CDIN1: variants seen among roughly 807,000 people sequenced by gnomAD.
CDIN1 encodes CDAN1-interacting nuclease 1.
In CDIN1, 33 loss-of-function variants were observed where a neutral mutation model predicts 45.3. The observed-to-expected ratio is 0.73, with a 90% CI of 0.55 to 0.97. CDIN1 has a LOEUF of 0.97. Ranked by LOEUF, CDIN1 falls within the 50% of genes least tolerant of loss-of-function variation. The probability of loss-of-function intolerance (pLI) is 0.00; values close to 1 mark genes in which losing one functional copy is unlikely to be tolerated. For missense variants in CDIN1, 303 were observed against 339.4 expected, an observed-to-expected ratio of 0.89 and a Z score of 0.84; for synonymous variants, 118 against 124.4, an observed-to-expected ratio of 0.95 and a Z score of 0.34.
chr15:36,659,431 C>T (rs926453846), intron 5 of CDIN1, among the ~76,000 whole-genome samples: 1 of 152,006 alleles, frequency 6.6e-6, no homozygotes, highest in Non-Finnish European at 1.5e-5. Context: ...AGGACATGAG[C>T]ATATTTAGAA....
chr15:36,652,412 C>A (rs2040608185), intron 3 of CDIN1, among the ~76,000 whole-genome samples: 1 of 152,032 alleles, frequency 6.6e-6, no homozygotes, highest in South Asian at 2.1e-4. Flanking sequence ...AATCAGAAAC[C>A]ATAGTAAATA....
intron 7 of CDIN1, among the ~76,000 whole-genome samples, chr15:36,695,977 A>C (rs1201291665): frequency 6.6e-6 from 1 of 152,184 alleles, no homozygotes; most frequent in African/African-American, 2.4e-5. Flanking sequence ...CAATTATTCC[A>C]TAATTTTAAT....
chr15:36,774,163 T>TGCGCGCGCGC (rs1555407088), intron 10 of CDIN1, among the ~76,000 whole-genome samples: 8 of 143,152 alleles, frequency 5.6e-5, no homozygotes, highest in East Asian at 2.1e-4. Flanking sequence ...TGTGTGTGTG[T>TGCGCGCGCGC]GCGCGCGCGC....
At chr15:36,780,665 A>G (rs1410809920) in intron 10 of CDIN1, among the ~76,000 whole-genome samples, 1 of 152,216 alleles carries the variant, frequency 6.6e-6, no homozygotes, top group Non-Finnish European at 1.5e-5. Context: ...ACTTGTCATG[A>G]GATGGATTCT....
rs182614457 is a variant in CDIN1 at position 36,763,547 on chromosome 15, T to A, written c.717-44777T>A. Among the ~76,000 whole-genome samples, 50 of 152,108 alleles carry A rather than the reference T, an allele frequency of 3.3e-4. 1 individual carries two copies. The East Asian group carries it at 9.3e-3, about 28-fold the overall frequency. On this transcript the variant is annotated intron_variant, in intron 10 of 10. Transcript: ENST00000566621. ...GAACCCAAGGTGTCAAAACAATAAA[T>A]CCCCACTTCTCTGCCATCAGCTTGC...
chr15:36,580,609 A>G lies in CDIN1; in HGVS notation c.101+648A>G, dbSNP rs1029469402. Among the ~76,000 whole-genome samples, 3 of 152,262 alleles carry G rather than the reference A, an allele frequency of 2.0e-5. No homozygotes were observed. In the South Asian group the frequency reaches 6.2e-4, roughly 32 times the overall value. ...TCCTCCCCCAAACACTTCTTTTTTC[A>G]GCGATTTTAGAATTATCCAACTTTC... On this transcript the variant is annotated intron_variant, in intron 1 of 10. Coordinates refer to ENST00000566621, the MANE Select transcript of CDIN1 (RefSeq NM_001321759.2).
At chr15:36,651,623 A>G (rs1315558906) in intron 3 of CDIN1, among the ~76,000 whole-genome samples, 1 of 152,152 alleles carries the variant, frequency 6.6e-6, no homozygotes, top group East Asian at 1.9e-4. Flanking sequence ...ATAAATTTAG[A>G]GCAGATCCAC....
chr15:36,654,102 C>G lies in CDIN1; in HGVS notation c.217C>G (p.Leu73Val), dbSNP rs3784678. ...ACTTGGCTTTGTCTTGTCTAGGTAC[C>G]TGAATGGAGTGGTGAAAAATGGAGC... Reference protein sequence around the residue: ...EAIESYYQRYLNGVVKNGAAP... With the variant: ...EAIESYYQRYVNGVVKNGAAP... The change falls in exon 4 of 11, where the codon CTG becomes GTG. Residue 73 changes from leucine (L) to valine (V), a missense_variant. Leu to Val is a conservative substitution (Grantham distance 32). Coordinates refer to ENST00000566621, the MANE Select transcript of CDIN1 (RefSeq NM_001321759.2). 742,330 of 1,573,246 alleles carry G rather than the reference C, an allele frequency of 0.47. 177,965 individuals carry two copies. The highest frequency in any genetic ancestry group is 0.67 in the East Asian group (29,249 of 43,546).
chr15:36,732,595 C>T (rs1314895183), intron 10 of CDIN1, among the ~76,000 whole-genome samples: 2 of 151,776 alleles, frequency 1.3e-5, no homozygotes, highest in Non-Finnish European at 2.9e-5. Context: ...TCTGAGATTT[C>T]CTCTAAATAT....
At chr15:36,787,434 A>C (rs1009497145) in intron 10 of CDIN1, among the ~76,000 whole-genome samples, 1 of 152,238 alleles carries the variant, frequency 6.6e-6, no homozygotes, top group Non-Finnish European at 1.5e-5. Flanking sequence ...ATTAGCAAGG[A>C]TACTGTAATA....
intron 10 of CDIN1, among the ~76,000 whole-genome samples, chr15:36,783,218 G>A (rs1434863634): frequency 6.6e-6 from 1 of 152,180 alleles, no homozygotes; most frequent in Non-Finnish European, 1.5e-5. Context: ...TTTCTTGCTA[G>A]AAATCAGACC....
At chr15:36,759,442 A>C (rs2053698041) in intron 10 of CDIN1, among the ~76,000 whole-genome samples, 1 of 152,110 alleles carries the variant, frequency 6.6e-6, no homozygotes, top group Admixed American at 6.5e-5. Context: ...TTTTCCTCAC[A>C]ATTGCTCAGA....
At position 36,579,980 on chromosome 15, in the gene CDIN1, C is replaced by A; in HGVS notation, c.101+19C>A. On this transcript the variant is annotated intron_variant, in intron 1 of 10. Coordinates refer to ENST00000566621, the MANE Select transcript of CDIN1 (RefSeq NM_001321759.2). ...TTCCCAGGTAAGTGTCCATCTCTCC[C>A]CTCTCACAGCCCTTTGCCTGCAGCA... The A allele has an allele frequency of 1.2e-6, 2 of 1,602,100 alleles. No individual in the cohort carries two copies. Among genetic ancestry groups the A allele is most frequent in the South Asian group, 2.2e-5 (2 of 89,378 alleles).
intron 10 of CDIN1, among the ~76,000 whole-genome samples, chr15:36,770,594 A>C (rs752481561): frequency 6.6e-5 from 10 of 151,818 alleles, no homozygotes; most frequent in Non-Finnish European, 1.5e-4. Context: ...GACTACAGGC[A>C]CACACCACCA....
intron 10 of CDIN1, among the ~76,000 whole-genome samples, chr15:36,760,127 C>T (rs2053719116): frequency 6.6e-6 from 1 of 152,086 alleles, no homozygotes; most frequent in African/African-American, 2.4e-5. Context: ...GTAGTAGGTT[C>T]CTAATGCTTG....
At chr15:36,676,832 A>G (rs975508316) in intron 5 of CDIN1, among the ~76,000 whole-genome samples, 4 of 152,142 alleles carry the variant, frequency 2.6e-5, no homozygotes, top group South Asian at 2.1e-4. Context: ...AATTGCTAAT[A>G]TATGAATTGG....
At chr15:36,795,145 A>G (rs1160529296) in intron 10 of CDIN1, among the ~76,000 whole-genome samples, 1 of 152,122 alleles carries the variant, frequency 6.6e-6, no homozygotes, top group Non-Finnish European at 1.5e-5. Context: ...TGTGAGTTTA[A>G]GAGGGTGGGT....
intron 3 of CDIN1, among the ~76,000 whole-genome samples, chr15:36,646,226 A>G (rs1302584526): frequency 6.6e-6 from 1 of 152,214 alleles, no homozygotes; most frequent in Non-Finnish European, 1.5e-5. Context: ...TGAATGAAAT[A>G]AATATGTGGA....
At chr15:36,594,027 G>T (rs180756626) in intron 1 of CDIN1, among the ~76,000 whole-genome samples, 2 of 152,270 alleles carry the variant, frequency 1.3e-5, no homozygotes, top group East Asian at 3.9e-4. Context: ...TTCTAGAATG[G>T]TGCCTTCAAA....
Sources: allele counts gnomAD v4.1 joint callset (sites outside exome capture counted in the v4.1 genomes callset), GRCh38; gene constraint gnomAD v4.1.1; transcripts MANE v1.5; gene names NCBI Gene and HGNC (gene_info 2026-07-23, HGNC 2026-07-21).